Variants in SH3GL3 observed in about 807,000 individuals in gnomAD.
The protein encoded by SH3GL3 is SH3 domain containing GRB2 like 3, endophilin A3, also known as endophilin-A3.
Under a neutral mutation model 47.7 loss-of-function variants are expected in SH3GL3, and 33 were observed. The observed-to-expected ratio is 0.69, with a 90% confidence interval of 0.52 to 0.92. SH3GL3 has a LOEUF of 0.92. Among genes scored for constraint, SH3GL3 ranks in the 40% least tolerant of loss-of-function variants. SH3GL3 has a pLI of 0.00. For synonymous variants in SH3GL3, 155 were observed against 148.8 expected (o/e 1.04, Z -0.30); for missense variants, 363 against 417.8 (o/e 0.87, Z 1.14).
intron 1 of SH3GL3, among the ~76,000 whole-genome samples, chr15:83,520,287 T>C (rs2043152195): frequency 6.6e-6 from 1 of 152,218 alleles, no homozygotes; most frequent in Non-Finnish European, 1.5e-5. Flanking sequence ...CTATATCTTC[T>C]AAGACTGTTT....
At chr15:83,545,726 T>C (rs1417378982) in intron 1 of SH3GL3, among the ~76,000 whole-genome samples, 10 of 152,246 alleles carry the variant, frequency 6.6e-5, no homozygotes, top group Non-Finnish European at 1.3e-4. Flanking sequence ...TCACTGCAGC[T>C]ATATGTGCAT....
intron 6 of SH3GL3, among the ~76,000 whole-genome samples, chr15:83,583,933 G>A (rs2059896809): frequency 6.6e-6 from 1 of 152,154 alleles, no homozygotes; most frequent in African/African-American, 2.4e-5. Flanking sequence ...TCCCTGGGCA[G>A]CACTAATCTC....
chr15:83,458,713 A>G (rs575403087), intron 1 of SH3GL3, among the ~76,000 whole-genome samples: 1 of 152,232 alleles, frequency 6.6e-6, no homozygotes, highest in Non-Finnish European at 1.5e-5. Flanking sequence ...TAGTCACACC[A>G]TTGTGCTTCC....
chr15:83,504,931 C>G (rs979332225), intron 1 of SH3GL3, among the ~76,000 whole-genome samples: 1 of 152,170 alleles, frequency 6.6e-6, no homozygotes, highest in African/African-American at 2.4e-5. Flanking sequence ...AATTTTACCA[C>G]CAATATGTAT....
At chr15:83,544,490 G>A (rs896254521) in intron 1 of SH3GL3, among the ~76,000 whole-genome samples, 1 of 152,074 alleles carries the variant, frequency 6.6e-6, no homozygotes, top group African/African-American at 2.4e-5. Context: ...TGCAGAATAG[G>A]TCTGATGTTT....
intron 2 of SH3GL3, among the ~76,000 whole-genome samples, chr15:83,560,284 T>G (rs1211867761): frequency 2.0e-5 from 3 of 152,188 alleles, no homozygotes; most frequent in Non-Finnish European, 4.4e-5. Flanking sequence ...CAGGATACCT[T>G]GGCTCTGGCC....
At chr15:83,504,263 C>T (rs1440944667) in intron 1 of SH3GL3, among the ~76,000 whole-genome samples, 2 of 152,142 alleles carry the variant, frequency 1.3e-5, no homozygotes, top group Non-Finnish European at 2.9e-5. Context: ...TGGAATCTTG[C>T]CAGTTTCCCA....
chr15:83,523,504 G>T lies in SH3GL3; in HGVS notation c.46-35749G>T, dbSNP rs977129967. Among the ~76,000 whole-genome samples, 6 of 152,260 alleles carry T rather than the reference G, an allele frequency of 3.9e-5. No individual in the cohort carries two copies. The East Asian group carries it at 1.2e-3, about 29-fold the overall frequency. Reference sequence around the variant, plus strand: ...TATATGTGGCCTCCAGGCAGAGGTGGGGAAATCCCCAAGCCTTCCCAGAGG... The same window carrying T: ...TATATGTGGCCTCCAGGCAGAGGTGTGGAAATCCCCAAGCCTTCCCAGAGG... On this transcript the variant is annotated intron_variant, in intron 1 of 8. Coordinates refer to ENST00000427482, the MANE Select transcript of SH3GL3 (RefSeq NM_003027.5).
chr15:83,460,404 TACTCATGACCTTCG>T (rs1342247164), intron 1 of SH3GL3, among the ~76,000 whole-genome samples: 20 of 152,094 alleles, frequency 1.3e-4, no homozygotes, highest in Non-Finnish European at 2.9e-4. Context: ...ATGTGGTATA[TACTCATGACCTTCG>T]ACACATACTT....
chr15:83,517,562 C>T (rs1340236584), intron 1 of SH3GL3, among the ~76,000 whole-genome samples: 4 of 151,986 alleles, frequency 2.6e-5, no homozygotes, highest in East Asian at 3.9e-4. Flanking sequence ...AGAACCTTTT[C>T]GTATATTTAT....
intron 7 of SH3GL3, among the ~76,000 whole-genome samples, chr15:83,587,525 TA>T (rs35935527): frequency 0.21 from 22,058 of 104,848 alleles, 2,150 homozygotes; most frequent in African/African-American, 0.37. Flanking sequence ...TAAATATCTG[TA>T]AAAAAAAAAA....
At chr15:83,577,562 A>G (rs2059717134) in intron 6 of SH3GL3, among the ~76,000 whole-genome samples, 1 of 151,956 alleles carries the variant, frequency 6.6e-6, no homozygotes, top group African/African-American at 2.4e-5. Context: ...CCAAACCCTG[A>G]TAATTTTTTG....
chr15:83,503,187 A>G (rs1712235580), intron 1 of SH3GL3, among the ~76,000 whole-genome samples: 1 of 152,212 alleles, frequency 6.6e-6, no homozygotes, highest in Non-Finnish European at 1.5e-5. Flanking sequence ...ATTATAAAAT[A>G]CAAAAAACCA....
At chr15:83,594,758 G>A (rs748725346) in intron 8 of SH3GL3, among the ~76,000 whole-genome samples, 7 of 152,156 alleles carry the variant, frequency 4.6e-5, no homozygotes, top group Non-Finnish European at 1.5e-5. Flanking sequence ...GAGTTTCTGG[G>A]AAGAAGATCA....
At chr15:83,503,376 C>T (rs1036864365) in intron 1 of SH3GL3, among the ~76,000 whole-genome samples, 1 of 152,024 alleles carries the variant, frequency 6.6e-6, no homozygotes, top group Non-Finnish European at 1.5e-5. Flanking sequence ...AATATGGATC[C>T]ACATCATAAT....
At chr15:83,566,262 C>T (rs2045529800) in intron 3 of SH3GL3, among the ~76,000 whole-genome samples, 1 of 152,066 alleles carries the variant, frequency 6.6e-6, no homozygotes, top group Non-Finnish European at 1.5e-5. Flanking sequence ...AGAGGCAGCC[C>T]TAGCAACCTC....
intron 6 of SH3GL3, among the ~76,000 whole-genome samples, chr15:83,578,769 A>G (rs2059753045): frequency 6.6e-6 from 1 of 151,786 alleles, no homozygotes; most frequent in African/African-American, 2.4e-5. Context: ...CCCAAGCAAC[A>G]GCGATTTTGT....
intron 1 of SH3GL3, among the ~76,000 whole-genome samples, chr15:83,492,763 C>T (rs935981706): frequency 6.6e-6 from 1 of 152,258 alleles, no homozygotes; most frequent in Non-Finnish European, 1.5e-5. Context: ...GTGCCCCACA[C>T]TGTTTTCCAG....
intron 1 of SH3GL3, among the ~76,000 whole-genome samples, chr15:83,478,590 T>C (rs2041202523): frequency 6.6e-6 from 1 of 152,232 alleles, no homozygotes; most frequent in South Asian, 2.1e-4. Flanking sequence ...TATGGTTTAA[T>C]TAATGGGAGC....
Sources: gnomAD v4.1 joint callset for allele counts (sites outside exome capture counted in the v4.1 genomes callset) on GRCh38, gnomAD v4.1.1 for gene constraint, MANE v1.5 for transcripts, NCBI Gene and HGNC (gene_info 2026-07-23, HGNC 2026-07-21) for gene names.